The following PAPPA variants were observed in gnomAD, a reference collection of about 807,000 sequenced individuals.
PAPPA encodes pappalysin 1.
In PAPPA, 60 loss-of-function variants were observed where a neutral mutation model predicts 164.0. The ratio of observed to expected loss-of-function variants is 0.37; its 90% CI spans 0.30 to 0.45. PAPPA has a LOEUF of 0.45. Ranked by LOEUF, PAPPA falls within the 20% of genes least tolerant of loss-of-function variation. PAPPA has a pLI of 1.00. For missense variants in PAPPA, 1,782 were observed against 2,087.3 expected, an observed-to-expected ratio of 0.85 and a Z score of 2.85; for synonymous variants, 875 against 814.1, an observed-to-expected ratio of 1.07 and a Z score of -1.27.
intron 15 of PAPPA, among the ~76,000 whole-genome samples, chr9:116,349,639 C>T (rs1846256026): frequency 6.6e-6 from 1 of 152,206 alleles, no homozygotes; most frequent in Non-Finnish European, 1.5e-5. Flanking sequence ...TCCTTTGACA[C>T]TGCTACAAGT....
chr9:116,193,407 T>C (rs1051158260), intron 2 of PAPPA, among the ~76,000 whole-genome samples: 2 of 152,172 alleles, frequency 1.3e-5, no homozygotes, highest in Admixed American at 6.5e-5. Flanking sequence ...CATACTTTCC[T>C]CTTCCTTTTC....
chr9:116,237,321 T>C (rs943470559), intron 7 of PAPPA, among the ~76,000 whole-genome samples: 1 of 152,226 alleles, frequency 6.6e-6, no homozygotes, highest in Non-Finnish European at 1.5e-5. Flanking sequence ...AGGATAGTCT[T>C]GCCTTAAAAA....
rs1263501993 is a variant in PAPPA at position 116,188,078 on chromosome 9, C to A, written c.1340C>A (p.Ala447Asp). 6.2e-7 allele frequency: 1 copy of A among 1,614,096 alleles called. No individual in the cohort carries two copies. The highest frequency in any genetic ancestry group is 8.5e-7 in the Non-Finnish European group (1 of 1,180,046). The stretch of plus-strand genomic sequence containing the variant: ...GATTGCCGCCACCTGCGCCACCCTG[C>A]CTTCGTGAAGAAGCAGCACAACGGG... ...GGDCRHLRHP[A>D]FVKKQHNGVC... Residue 447 changes from alanine to aspartate, a missense_variant, in exon 2 of 22, where the codon GCC (alanine) becomes GAC (aspartate). Around this residue, in one of 2 missense-constraint regions of PAPPA, gnomAD observed 1,324 missense variants for 1,656.9 expected, o/e 0.80. Transcript: ENST00000328252.
At chr9:116,385,779 C>A (rs958951785) in intron 21 of PAPPA, among the ~76,000 whole-genome samples, 7 of 152,238 alleles carry the variant, frequency 4.6e-5, no homozygotes, top group Non-Finnish European at 7.3e-5. Flanking sequence ...TCATCCAATG[C>A]GGTGAATCTC....
In PAPPA at chr9:116,281,471, C is replaced by T. The variant is rs117010216; in HGVS notation, c.2953+10055C>T. On this transcript the variant is annotated intron_variant, in intron 9 of 21. Coordinates refer to ENST00000328252, the MANE Select transcript of PAPPA (RefSeq NM_002581.5). ...TACCCTCGTGTCCCAACATCCAGCT[C>T]GAGCCAATCATTGAGACACTGAAGC... 9.7e-4 allele frequency among the ~76,000 whole-genome samples: 147 copies of T among 152,204 alleles called. 1 individual carries two copies. The East Asian group carries it at 0.023, about 24-fold the overall frequency.
intron 20 of PAPPA, among the ~76,000 whole-genome samples, chr9:116,382,147 C>T: frequency 6.6e-6 from 1 of 151,666 alleles, no homozygotes; most frequent in East Asian, 1.9e-4. Context: ...TGTCTCTCAG[C>T]ATAACCATAC....
At chr9:116,382,530 C>T (rs778264007) in intron 21 of PAPPA, 37 bp downstream of exon 21, 8 of 1,254,956 alleles carry the variant, frequency 6.4e-6, no homozygotes, top group Admixed American at 3.4e-5. Context: ...CTGCCTCCTG[C>T]CCACTTCTCC....
chr9:116,260,366 T>G (rs1007927029), intron 7 of PAPPA, among the ~76,000 whole-genome samples: 1 of 152,220 alleles, frequency 6.6e-6, no homozygotes, highest in Non-Finnish European at 1.5e-5. Context: ...AATAATAGCA[T>G]GTATAGTCTT....
Position 116,309,689 on chromosome 9 carries a change from A to G in PAPPA, c.3147+6739A>G, listed in dbSNP as rs560038342. Among the ~76,000 whole-genome samples, 100 of 152,184 alleles carry G rather than the reference A, an allele frequency of 6.6e-4. 1 individual carries two copies. Among genetic ancestry groups the G allele is most frequent in the African/African-American group, 2.1e-3 (87 of 41,508 alleles). On this transcript the variant is annotated intron_variant, in intron 10 of 21. Transcript: ENST00000328252. ...AATGGGGGCTGCGAGGGGTATATCC[A>G]AAAAAAGGTAAATAATAGATGAAGG...
At chr9:116,197,984 G>T (rs1193146015) in intron 2 of PAPPA, among the ~76,000 whole-genome samples, 1 of 152,168 alleles carries the variant, frequency 6.6e-6, no homozygotes, top group Non-Finnish European at 1.5e-5. Flanking sequence ...AATAACCCTT[G>T]TTCCTAAAAC....
At chr9:116,199,405 C>T (rs147759653) in intron 2 of PAPPA, among the ~76,000 whole-genome samples, 2 of 152,308 alleles carry the variant, frequency 1.3e-5, no homozygotes, top group East Asian at 3.9e-4. Flanking sequence ...CAGCTTCCCT[C>T]ACTCCCACCC....
chr9:116,233,803 T>A (rs554431426), intron 6 of PAPPA, among the ~76,000 whole-genome samples: 1 of 152,308 alleles, frequency 6.6e-6, no homozygotes, highest in Admixed American at 6.5e-5. Flanking sequence ...ACAAAGCGTT[T>A]TTAAGCAAAG....
intron 1 of PAPPA, among the ~76,000 whole-genome samples, chr9:116,178,022 C>A (rs756293397): frequency 6.6e-6 from 1 of 152,124 alleles, no homozygotes; most frequent in Non-Finnish European, 1.5e-5. Context: ...AGAAAGGAAC[C>A]TTTATGTGTG....
intron 12 of PAPPA, among the ~76,000 whole-genome samples, chr9:116,333,070 G>A (rs1339268522): frequency 6.6e-6 from 1 of 152,216 alleles, no homozygotes; most frequent in Non-Finnish European, 1.5e-5. Context: ...GGCCAAGGGG[G>A]AGGACAAGGG....
intron 4 of PAPPA, among the ~76,000 whole-genome samples, chr9:116,218,796 C>T (rs434652): frequency 0.58 from 87,745 of 151,930 alleles, 26,070 homozygotes; most frequent in East Asian, 0.81. Flanking sequence ...TGGGTTCAAA[C>T]CCCAGATGTA....
At chr9:116,302,090 G>T (rs1321328766) in intron 9 of PAPPA, among the ~76,000 whole-genome samples, 1 of 152,152 alleles carries the variant, frequency 6.6e-6, no homozygotes, top group South Asian at 2.1e-4. Context: ...TTAACACACT[G>T]TGTGATCTTG....
intron 15 of PAPPA, among the ~76,000 whole-genome samples, chr9:116,352,225 G>A (rs1346709915): frequency 6.6e-6 from 1 of 152,152 alleles, no homozygotes; most frequent in Non-Finnish European, 1.5e-5. Flanking sequence ...TGGGGGAGGT[G>A]GTAGGCAGGA....
chr9:116,268,211 C>A (rs888433362), intron 8 of PAPPA, among the ~76,000 whole-genome samples: 2 of 152,158 alleles, frequency 1.3e-5, no homozygotes, highest in Admixed American at 1.3e-4. Flanking sequence ...CTTGTTTGAG[C>A]TATTTAACAT....
chr9:116,346,676 A>C (rs1846213958), intron 14 of PAPPA, among the ~76,000 whole-genome samples: 1 of 152,324 alleles, frequency 6.6e-6, no homozygotes, highest in African/African-American at 2.4e-5. Flanking sequence ...GTGAGGTCTC[A>C]AAACCTCAAG....
Sources: gnomAD v4.1 joint callset for allele counts (sites outside exome capture counted in the v4.1 genomes callset) on GRCh38, gnomAD v4.1.1 for gene constraint, gnomAD v4.1.1 regional missense constraint, MANE v1.5 for transcripts, NCBI Gene and HGNC (gene_info 2026-07-23, HGNC 2026-07-21) for gene names.